The following ETV1 variants were observed in gnomAD, a reference collection of about 807,000 sequenced individuals.
ETV1 encodes ETS variant transcription factor 1, also known as ETS translocation variant 1.
ETV1 carries 27 observed loss-of-function variants against 62.3 expected under a neutral mutation model. That is an observed-to-expected ratio of 0.43 (90% CI 0.32 to 0.60). The LOEUF (loss-of-function observed/expected upper bound fraction) is 0.60, where lower values mean the gene tolerates loss of function less well. Ranked by LOEUF, ETV1 falls within the 20% of genes least tolerant of loss-of-function variation. The pLI is 0.06. For synonymous variants in ETV1, 222 were observed against 199.6 expected (o/e 1.11, Z -0.94); for missense variants, 605 against 605.8 (o/e 1.00, Z 0.01).
chr7:13,970,879 G>A (rs12113900), intron 6 of ETV1, among the ~76,000 whole-genome samples: 87,904 of 151,684 alleles, frequency 0.58, 26,044 homozygotes, highest in Admixed American at 0.67. Flanking sequence ...AGTTTTTTTA[G>A]AAGCAGATTT....
At chr7:13,903,549 G>C (rs879369673) in intron 12 of ETV1, among the ~76,000 whole-genome samples, 29 of 152,050 alleles carry the variant, frequency 1.9e-4, no homozygotes, top group Admixed American at 8.5e-4. Flanking sequence ...GATCACCTGA[G>C]GTCAGGAGTT....
intron 6 of ETV1, among the ~76,000 whole-genome samples, chr7:13,975,650 G>C (rs936532208): frequency 6.6e-6 from 1 of 150,430 alleles, no homozygotes; most frequent in Admixed American, 6.6e-5. Context: ...TCCACAAAGA[G>C]GAGGGAAGGA....
At chr7:13,912,092 C>T (rs1049268041) in intron 9 of ETV1, among the ~76,000 whole-genome samples, 7 of 152,182 alleles carry the variant, frequency 4.6e-5, no homozygotes, top group Non-Finnish European at 1.0e-4. Flanking sequence ...TGACACCCTG[C>T]CACAAAATAC....
At position 13,894,589 on chromosome 7, in the gene ETV1, T is replaced by C. The variant is rs1781612335; in HGVS notation, c.*1277A>G. 1.7e-5 allele frequency: 4 copies of C among 232,648 alleles called. No homozygotes were observed. The South Asian group carries it at 7.2e-4, about 42-fold the overall frequency. The allele number at this position is 232,648 out of a possible 1,614,324, so 14.4% of individuals were successfully genotyped here. On this transcript the variant is annotated 3_prime_UTR_variant, in exon 14 of 14. Coordinates refer to ENST00000430479, the MANE Select transcript of ETV1 (RefSeq NM_004956.5). ...CTGAAGCTTACTCTTCATTTGTCAA[T>C]GTGCATAAAAGCTGCTTATAGCATA... is the stretch of plus-strand genomic sequence containing the variant.
chr7:13,973,062 G>C (rs1009742374), intron 6 of ETV1, among the ~76,000 whole-genome samples: 35 of 152,168 alleles, frequency 2.3e-4, no homozygotes, highest in African/African-American at 8.4e-4. Flanking sequence ...TTTTTAGAAA[G>C]TTCTCAAGTG....
Position 13,896,020 on chromosome 7 carries a change from G to A in ETV1, c.1280C>T (p.Pro427Leu). ...CTTCAGCAGTGGACGCTGATTATCT[G>A]GAAAGGCCATGGAGAAAAGGGCTTC... ...DPEALFSMAF[P>L]DNQRPLLKTD... Residue 427 changes from proline to leucine, a missense_variant, in exon 14 of 14, where the codon CCA becomes CTA. By Grantham distance (98) the Pro-to-Leu change is moderately conservative. Coordinates refer to ENST00000430479, the MANE Select transcript of ETV1 (RefSeq NM_004956.5). The A allele has an allele frequency of 2.5e-6, 4 of 1,613,746 alleles. No homozygotes were observed. Among genetic ancestry groups the A allele is most frequent in the Non-Finnish European group, 3.4e-6 (4 of 1,179,834 alleles).
intron 9 of ETV1, among the ~76,000 whole-genome samples, chr7:13,931,028 G>A (rs562019729): frequency 6.8e-4 from 102 of 149,884 alleles, no homozygotes; most frequent in Non-Finnish European, 7.3e-4. Context: ...CCTCGATCTC[G>A]GTCTCAGCCT....
intron 9 of ETV1, among the ~76,000 whole-genome samples, chr7:13,929,774 T>A (rs1489060243): frequency 6.6e-6 from 1 of 152,174 alleles, no homozygotes; most frequent in East Asian, 1.9e-4. Context: ...GCTTGCATGC[T>A]TTCTAGAAGT....
chr7:13,937,187 C>A (rs1424640439), intron 7 of ETV1, among the ~76,000 whole-genome samples: 1 of 152,194 alleles, frequency 6.6e-6, no homozygotes, highest in Admixed American at 6.5e-5. Context: ...CTGCAAAAAT[C>A]TTTTACAAGG....
chr7:13,986,719 T>C (rs1361570357), intron 4 of ETV1, 34 bp from the exon 5 acceptor site: 2 of 1,500,324 alleles, frequency 1.3e-6, no homozygotes, highest in Admixed American at 1.9e-5. Flanking sequence ...AACATAAGAT[T>C]TGCAAATCTT....
chr7:13,894,293 C>T lies in ETV1; in HGVS notation c.*1573G>A. ...TTCAGAGATTCTATATCCCCATTTA[C>T]TCATGGTTTTTTCAAGGTGAATGAA... On this transcript the variant is annotated 3_prime_UTR_variant, in exon 14 of 14. Coordinates refer to ENST00000430479, the MANE Select transcript of ETV1 (RefSeq NM_004956.5). 1 of 232,112 alleles carries T rather than the reference C, an allele frequency of 4.3e-6. No homozygotes were observed. The highest frequency in any genetic ancestry group is 1.3e-3 in the Middle Eastern group (1 of 776). The allele number at this position is 232,112 out of a possible 1,614,324, so 14.4% of individuals were successfully genotyped here.
intron 9 of ETV1, among the ~76,000 whole-genome samples, chr7:13,923,703 G>A (rs559616567): frequency 1.3e-5 from 2 of 152,206 alleles, no homozygotes; most frequent in African/African-American, 4.8e-5. Flanking sequence ...TGAGGAGCCT[G>A]GGAGGGGTTG....
intron 5 of ETV1, among the ~76,000 whole-genome samples, chr7:13,984,441 A>AATATATTTAT (rs1430612807): frequency 5.9e-5 from 9 of 152,036 alleles, no homozygotes; most frequent in African/African-American, 2.2e-4. Flanking sequence ...AAGTTAAAAT[A>AATATATTTAT]TCAGTGCAAA....
At chr7:13,934,809 C>T (rs185645571) in intron 8 of ETV1, among the ~76,000 whole-genome samples, 110 of 152,198 alleles carry the variant, frequency 7.2e-4, no homozygotes, top group Non-Finnish European at 1.0e-3. Flanking sequence ...AGTGATGGCT[C>T]GTAGTGGGCC....
intron 6 of ETV1, among the ~76,000 whole-genome samples, chr7:13,954,735 C>T (rs2128475626): frequency 6.6e-6 from 1 of 152,250 alleles, no homozygotes; most frequent in East Asian, 1.9e-4. Context: ...GCTTGAAGTA[C>T]ACCTGCAGCA....
chr7:13,962,619 T>C (rs758481795), intron 6 of ETV1, among the ~76,000 whole-genome samples: 7 of 152,152 alleles, frequency 4.6e-5, no homozygotes, highest in Non-Finnish European at 8.8e-5. Context: ...GAGAGCATCA[T>C]TATTTTGTTA....
chr7:13,926,594 T>G (rs1408378813), intron 9 of ETV1, among the ~76,000 whole-genome samples: 1 of 152,104 alleles, frequency 6.6e-6, no homozygotes, highest in African/African-American at 2.4e-5. Context: ...ATGTGGGCAT[T>G]TGACCATAAG....
intron 6 of ETV1, among the ~76,000 whole-genome samples, chr7:13,948,789 A>G (rs1434847874): frequency 1.3e-5 from 2 of 152,212 alleles, no homozygotes; most frequent in Non-Finnish European, 2.9e-5. Flanking sequence ...AAAACACCAA[A>G]GTGGCTGGAT....
Position 13,893,646 on chromosome 7 carries a change from A to C in ETV1, c.*2220T>G. ...AAGAGAAAAAGAAAAAAAAGGAACA[A>C]AAATGAATCCTCAATACAGTTTTCA... On this transcript the variant is annotated 3_prime_UTR_variant, in exon 14 of 14. Transcript: ENST00000430479. 1 of 232,790 alleles carries C rather than the reference A, an allele frequency of 4.3e-6. No individual in the cohort carries two copies. Among genetic ancestry groups the C allele is most frequent in the Non-Finnish European group, 8.5e-6 (1 of 117,610 alleles). The allele number at this position is 232,790 out of a possible 1,614,324, so 14.4% of individuals were successfully genotyped here. A position where few individuals can be genotyped will look rare whatever the true frequency, so the allele number is the denominator to read the frequency against.
Sources: gnomAD v4.1 joint callset for allele counts (sites outside exome capture counted in the v4.1 genomes callset) on GRCh38, gnomAD v4.1.1 for gene constraint, MANE v1.5 for transcripts, NCBI Gene and HGNC (gene_info 2026-07-23, HGNC 2026-07-21) for gene names.